STAU1: variants seen among roughly 807,000 people sequenced by gnomAD.
STAU1 encodes the protein double-stranded RNA-binding protein Staufen homolog 1.
STAU1 carries 13 observed loss-of-function variants against 62.9 expected under a neutral mutation model. The observed-to-expected ratio is 0.21, with a 90% CI of 0.13 to 0.33. STAU1 has a LOEUF of 0.33. Ranked by LOEUF, STAU1 falls within the 10% of genes least tolerant of loss-of-function variation. The pLI, the probability that STAU1 is intolerant of heterozygous loss-of-function variation, is 1.00. For missense variants in STAU1, 571 were observed against 712.1 expected, an observed-to-expected ratio of 0.80 and a Z score of 2.25; for synonymous variants, 269 against 265.1, an observed-to-expected ratio of 1.01 and a Z score of -0.14.
At chr20:49,183,439 T>G (rs2093750332) in intron 1 of STAU1, among the ~76,000 whole-genome samples, 1 of 152,160 alleles carries the variant, frequency 6.6e-6, no homozygotes, top group Non-Finnish European at 1.5e-5. Context: ...GAAGATGACT[T>G]GAGCTCAGGA....
intron 3 of STAU1, chr20:49,158,863 A>AC (rs1600784725): frequency 9.5e-7 from 1 of 1,050,128 alleles, no homozygotes; most frequent in Admixed American, 2.8e-5. Context: ...AGATCGCGCC[A>AC]CTGCACTCCA....
At chr20:49,121,283 C>T (rs916077612) in intron 8 of STAU1, among the ~76,000 whole-genome samples, 2 of 151,986 alleles carry the variant, frequency 1.3e-5, no homozygotes, top group African/African-American at 2.4e-5. Flanking sequence ...GGTGGGCACC[C>T]GTGAATCCCA....
intron 6 of STAU1, among the ~76,000 whole-genome samples, chr20:49,127,579 G>A (rs2092657519): frequency 1.3e-5 from 2 of 151,664 alleles, no homozygotes; most frequent in Admixed American, 1.3e-4. Context: ...GGTGACACAT[G>A]ACTGTAATCC....
the STAU1 span, among the ~76,000 whole-genome samples, chr20:49,206,516 GT>G: frequency 1.3e-4 from 15 of 113,896 alleles, no homozygotes; most frequent in East Asian, 2.6e-4. Flanking sequence ...GCCATCTTCC[GT>G]TTTTTTTTTT....
At chr20:49,150,302 G>A (rs1482977542) in intron 5 of STAU1, among the ~76,000 whole-genome samples, 1 of 151,862 alleles carries the variant, frequency 6.6e-6, no homozygotes, top group African/African-American at 2.4e-5. Flanking sequence ...TATTGTGAAC[G>A]TACTAAAATC....
intron 1 of STAU1, among the ~76,000 whole-genome samples, chr20:49,178,288 G>A (rs2093683802): frequency 6.6e-6 from 1 of 151,978 alleles, no homozygotes; most frequent in South Asian, 2.1e-4. Context: ...TCTATATAGT[G>A]CACACTTACC....
rs2093814895 is a variant in STAU1, at chr20:49,188,125, G to A, written c.-169C>T. On this transcript the variant is annotated 5_prime_UTR_variant, in exon 1 of 14. Transcript: ENST00000371856. Reference sequence around the variant, plus strand: ...GGCCCGGCCGCCTCACCTGGCTGCTGCTCCGAGCTCGTCCCCCGGCCGGCG... The same window carrying A: ...GGCCCGGCCGCCTCACCTGGCTGCTACTCCGAGCTCGTCCCCCGGCCGGCG... 1 of 150,972 alleles carries A rather than the reference G, an allele frequency of 6.6e-6. No individual in the cohort carries two copies. The highest frequency in any genetic ancestry group is 1.5e-5 in the Non-Finnish European group (1 of 67,704). 9.4% of individuals were successfully genotyped at this position (150,972 alleles called of 1,614,324 possible).
intron 6 of STAU1, among the ~76,000 whole-genome samples, 176 bp downstream of exon 6, chr20:49,135,657 G>T (rs1372804348): frequency 6.6e-6 from 1 of 152,110 alleles, no homozygotes; most frequent in African/African-American, 2.4e-5. Flanking sequence ...CTTAGTTACG[G>T]ACTCCCAGAA....
At position 49,120,143 on chromosome 20, in the gene STAU1, C is replaced by G; in HGVS notation, c.967-15G>C. ...CCAACCTTCACCTGCACAAAGAAGT[C>G]AAAACACAGACCAGTGCTTAAACCT... On this transcript the variant is annotated splice_polypyrimidine_tract_variant and intron_variant, in intron 8 of 13. Transcript: ENST00000371856. 6.2e-7 allele frequency: 1 copy of G among 1,609,760 alleles called. No homozygotes were observed. The highest frequency in any genetic ancestry group is 8.5e-7 in the Non-Finnish European group (1 of 1,177,054).
rs1232984252 is a variant in STAU1 at position 49,117,258 on chromosome 20, A to G, written c.1510-10T>C. ...AGTCTTTGTATTCAACCTAAGGGGGAAAAGAGAGCTGAGGCTAGGTAGGGA... is the reference window on the plus strand; with the variant it reads ...AGTCTTTGTATTCAACCTAAGGGGGGAAAGAGAGCTGAGGCTAGGTAGGGA... On this transcript the variant is annotated splice_polypyrimidine_tract_variant and intron_variant, in intron 11 of 13. Coordinates refer to ENST00000371856, the MANE Select transcript of STAU1 (RefSeq NM_017453.4). The surrounding 1 kb of genome is among the most constrained non-coding windows in gnomAD (Gnocchi z 4.6). The G allele has an allele frequency of 6.2e-7, 1 of 1,613,380 alleles. No individual in the cohort carries two copies. The highest frequency in any genetic ancestry group is 1.3e-5 in the African/African-American group (1 of 74,872).
rs78881644 is a variant in STAU1, at chr20:49,134,433, G to A, written c.609+1400C>T. On this transcript the variant is annotated intron_variant, in intron 6 of 13. Coordinates refer to ENST00000371856, the MANE Select transcript of STAU1 (RefSeq NM_017453.4). ...GCGACAAGAGTGAAACTCATCTCAG[G>A]GAAAAAAAAAAAAAAAGCTCTGGGT... The A allele has an allele frequency of 2.2e-3, 587 of 262,130 alleles. 15 individuals are homozygous for A. The highest frequency in any genetic ancestry group is 9.5e-3 in the African/African-American group (132 of 13,862). 16.2% of individuals were successfully genotyped at this position (262,130 alleles called of 1,614,324 possible). A position where few individuals can be genotyped will look rare whatever the true frequency, so the allele number is the denominator to read the frequency against.
intron 5 of STAU1, among the ~76,000 whole-genome samples, chr20:49,142,235 A>ACGTCT (rs2093025002): frequency 1.3e-5 from 2 of 151,772 alleles, no homozygotes; most frequent in African/African-American, 4.8e-5. Flanking sequence ...TACAGGCACA[A>ACGTCT]GCCACCATGC....
chr20:49,134,332 G>A, intron 6 of STAU1: 1 of 392,680 alleles, frequency 2.5e-6, no homozygotes, highest in Non-Finnish European at 4.7e-6. Context: ...TCAGGAGGCT[G>A]AGGCAGGAGA....
chr20:49,132,080 G>A (rs553595615), intron 6 of STAU1, among the ~76,000 whole-genome samples: 3 of 152,024 alleles, frequency 2.0e-5, no homozygotes, highest in Admixed American at 2.0e-4. Flanking sequence ...TGGGGGGTAG[G>A]AATTCAGCAC....
chr20:49,115,855 T>A lies in STAU1; in HGVS notation c.1645A>T (p.Ile549Phe). The A allele has an allele frequency of 6.2e-7, 1 of 1,614,040 alleles. No homozygotes were observed. Among genetic ancestry groups the A allele is most frequent in the East Asian group, 2.2e-5 (1 of 44,870 alleles). Reference protein sequence around the residue: ...ESCHDMAALNILKLLSELDQQ... With the variant: ...ESCHDMAALNFLKLLSELDQQ... ...TCCAACTCAGACAGCAACTTTAAGA[T>A]GTTCAGCGCAGCCTAGTGGGGATGG... Residue 549 changes from isoleucine (I) to phenylalanine (F), a missense_variant, in exon 13 of 14, where the codon ATC (isoleucine) becomes TTC (phenylalanine). Physicochemically the swap from Ile to Phe is conservative, Grantham distance 21. Coordinates refer to ENST00000371856, the MANE Select transcript of STAU1 (RefSeq NM_017453.4).
At chr20:49,169,094 GCGTGTACCACCACACC>G (rs1240720880) in intron 2 of STAU1, among the ~76,000 whole-genome samples, 1 of 151,894 alleles carries the variant, frequency 6.6e-6, no homozygotes, top group Non-Finnish European at 1.5e-5. Context: ...AGGATTACAG[GCGTGTACCACCACACC>G]CGGCTAATTT....
In STAU1 at chr20:49,123,211, G is replaced by C; in HGVS notation, c.847C>G (p.Gln283Glu). The C allele has an allele frequency of 1.1e-5, 17 of 1,614,148 alleles. No individual in the cohort carries two copies. Among genetic ancestry groups the C allele is most frequent in the Non-Finnish European group, 1.4e-5 (17 of 1,180,024 alleles). ...VKPQTSPEYG[Q>E]GINPISRLAQ... ...AGTCGGCTAATCGGATTGATCCCCT[G>C]GCCATATTCTGGGCTTGTCTGTGGC... Residue 283 changes from glutamine to glutamate, a missense_variant, in exon 8 of 14, where the codon CAG (glutamine) becomes GAG (glutamate). Physicochemically the swap from Gln to Glu is conservative, Grantham distance 29. Coordinates refer to ENST00000371856, the MANE Select transcript of STAU1 (RefSeq NM_017453.4).
intron 3 of STAU1, among the ~76,000 whole-genome samples, chr20:49,157,480 ATTTTTTT>A (rs964768758): frequency 6.8e-6 from 1 of 146,306 alleles, no homozygotes; most frequent in African/African-American, 2.5e-5. Context: ...TACTTGGCTA[ATTTTTTT>A]TTTTTATTTT....
At position 49,114,630 on chromosome 20, in the gene STAU1, A is replaced by C; in HGVS notation, c.*248T>G. 4.4e-6 allele frequency: 2 copies of C among 450,894 alleles called. No individual in the cohort carries two copies. The highest frequency in any genetic ancestry group is 4.0e-6 in the Non-Finnish European group (1 of 248,536). 27.9% of individuals were successfully genotyped at this position (450,894 alleles called of 1,614,324 possible). ...GCTGGCTGGGCAGCCCTTCTTCCCCACAGGCAGCTGCTATTGCGTAGGGAC... is the reference window on the plus strand; with the variant it reads ...GCTGGCTGGGCAGCCCTTCTTCCCCCCAGGCAGCTGCTATTGCGTAGGGAC... On this transcript the variant is annotated 3_prime_UTR_variant, in exon 14 of 14. Coordinates refer to ENST00000371856, the MANE Select transcript of STAU1 (RefSeq NM_017453.4).
Sources: gnomAD v4.1 joint callset for allele counts (sites outside exome capture counted in the v4.1 genomes callset) on GRCh38, gnomAD v4.1.1 for gene constraint, Gnocchi (gnomAD v3.1) non-coding constraint, MANE v1.5 for transcripts, NCBI Gene and HGNC (gene_info 2026-07-23, HGNC 2026-07-21) for gene names.